The following UBE2E2 variants were observed in gnomAD, a reference collection of about 807,000 sequenced individuals.
UBE2E2 encodes ubiquitin conjugating enzyme E2 E2, also known as ubiquitin-conjugating enzyme E2 E2.
A neutral mutation model predicts 24.7 loss-of-function variants in UBE2E2; 6 were observed. That is an observed-to-expected ratio of 0.24 (90% CI 0.13 to 0.48). The LOEUF is 0.48. UBE2E2 is among the 20% of genes least tolerant of loss of function. The pLI is 0.99. For synonymous variants in UBE2E2, 104 were observed against 83.6 expected (o/e 1.24, Z -1.33); for missense variants, 169 against 245.0 (o/e 0.69, Z 2.07).
intron 3 of UBE2E2, among the ~76,000 whole-genome samples, chr3:23,471,344 C>T (rs2125434296): frequency 6.6e-6 from 1 of 152,242 alleles, no homozygotes; most frequent in Non-Finnish European, 1.5e-5. Context: ...ATAGCAACAA[C>T]CTCAAAGCTA....
intron 4 of UBE2E2, among the ~76,000 whole-genome samples, chr3:23,503,280 C>A (rs1289793801): frequency 6.6e-6 from 1 of 151,934 alleles, no homozygotes. Flanking sequence ...ACCTCCGCCC[C>A]CTGGATTCAA....
At chr3:23,203,516 C>T in intron 1 of UBE2E2, 52 bp downstream of exon 1, 1 of 961,654 alleles carries the variant, frequency 1.0e-6, no homozygotes, top group South Asian at 4.8e-5. Flanking sequence ...TCCTCCCTCT[C>T]GCTGACGTCC....
At chr3:23,331,754 A>G (rs757942556) in intron 3 of UBE2E2, among the ~76,000 whole-genome samples, 12 of 152,222 alleles carry the variant, frequency 7.9e-5, no homozygotes, top group Non-Finnish European at 1.5e-4. Context: ...GGATTGAGCC[A>G]TGATGAATCC....
At position 23,429,493 on chromosome 3, in the gene UBE2E2, T is replaced by G. The variant is rs1251370240; in HGVS notation, c.228-70115T>G. Among the ~76,000 whole-genome samples, 4 of 152,292 alleles carry G rather than the reference T, an allele frequency of 2.6e-5. No individual in the cohort carries two copies. In the East Asian group the frequency reaches 7.7e-4, roughly 29 times the overall value. On this transcript the variant is annotated intron_variant, in intron 3 of 5. Transcript: ENST00000396703. ...GGCTGGTTCAGCATTCAAAATTTAA[T>G]TAATATAATTCATCCCGTCAACAGG...
At chr3:23,462,500 T>G (rs891549859) in intron 3 of UBE2E2, among the ~76,000 whole-genome samples, 2 of 152,182 alleles carry the variant, frequency 1.3e-5, no homozygotes, top group African/African-American at 4.8e-5. Flanking sequence ...ATCTTTGCTA[T>G]TCACGACGAA....
chr3:23,391,365 A>C (rs1246992439), intron 3 of UBE2E2, among the ~76,000 whole-genome samples: 1 of 152,226 alleles, frequency 6.6e-6, no homozygotes, highest in Non-Finnish European at 1.5e-5. Context: ...TGCAAACCAT[A>C]GTTCAGGAAT....
At chr3:23,432,463 GATT>G (rs1445114219) in intron 3 of UBE2E2, among the ~76,000 whole-genome samples, 2 of 152,030 alleles carry the variant, frequency 1.3e-5, no homozygotes. Context: ...TCAGTGATAT[GATT>G]TTTAATATTT....
At chr3:23,385,805 C>T (rs1270362771) in intron 3 of UBE2E2, among the ~76,000 whole-genome samples, 1 of 152,196 alleles carries the variant, frequency 6.6e-6, no homozygotes, top group East Asian at 1.9e-4. Flanking sequence ...GAGCACATTA[C>T]ATCTGTATGC....
intron 5 of UBE2E2, among the ~76,000 whole-genome samples, chr3:23,572,075 G>C (rs1244384800): frequency 6.6e-6 from 1 of 152,220 alleles, no homozygotes; most frequent in Non-Finnish European, 1.5e-5. Context: ...TTCTGAAGCA[G>C]TAGCACATGT....
chr3:23,424,987 A>G (rs1697889715), intron 3 of UBE2E2, among the ~76,000 whole-genome samples: 1 of 152,190 alleles, frequency 6.6e-6, no homozygotes, highest in African/African-American at 2.4e-5. Flanking sequence ...TTGAGTTTGG[A>G]AAACTTAAAT....
intron 3 of UBE2E2, among the ~76,000 whole-genome samples, chr3:23,330,723 A>T (rs1267443555): frequency 2.0e-5 from 3 of 152,196 alleles, no homozygotes. Context: ...AATGCTCCAG[A>T]CTTTTCAGTT....
intron 3 of UBE2E2, among the ~76,000 whole-genome samples, chr3:23,274,415 C>T (rs943731661): frequency 1.3e-5 from 2 of 151,946 alleles, no homozygotes; most frequent in Non-Finnish European, 1.5e-5. Context: ...CGGCAGGCTG[C>T]AGTGCAGTGG....
At chr3:23,534,391 C>A in intron 5 of UBE2E2, 1 of 218,906 alleles carries the variant, frequency 4.6e-6, no homozygotes, top group Non-Finnish European at 7.7e-6. Context: ...TTAAAAATCA[C>A]TCCTAACTAA....
intron 3 of UBE2E2, among the ~76,000 whole-genome samples, chr3:23,268,157 TC>T (rs1698108839): frequency 6.7e-6 from 1 of 149,472 alleles, no homozygotes; most frequent in Non-Finnish European, 1.5e-5. Flanking sequence ...AGACAGGTTT[TC>T]CCTCTCTCAC....
At chr3:23,255,052 G>T (rs1697678261) in intron 3 of UBE2E2, among the ~76,000 whole-genome samples, 1 of 147,698 alleles carries the variant, frequency 6.8e-6, no homozygotes, top group African/African-American at 2.5e-5. Context: ...TTGAGAAATT[G>T]CTGAGATCAG....
At chr3:23,256,540 C>G (rs921755286) in intron 3 of UBE2E2, among the ~76,000 whole-genome samples, 1 of 151,962 alleles carries the variant, frequency 6.6e-6, no homozygotes, top group Non-Finnish European at 1.5e-5. Context: ...CATTAAAGTT[C>G]TTAGTTATAA....
chr3:23,291,965 TCTC>T (rs1698779472), intron 3 of UBE2E2, among the ~76,000 whole-genome samples: 2 of 148,912 alleles, frequency 1.3e-5, no homozygotes, highest in Non-Finnish European at 3.0e-5. Flanking sequence ...TTCATGCCAT[TCTC>T]CTGCCTCAGC....
intron 2 of UBE2E2, 74 bp from the exon 3 acceptor site, chr3:23,217,188 G>A: frequency 4.6e-6 from 6 of 1,313,520 alleles, no homozygotes; most frequent in Non-Finnish European, 6.5e-6. Flanking sequence ...TTATTAAAAT[G>A]TAACGTTTTA....
At chr3:23,247,603 C>G (rs1429673446) in intron 3 of UBE2E2, among the ~76,000 whole-genome samples, 2 of 152,166 alleles carry the variant, frequency 1.3e-5, no homozygotes, top group African/African-American at 4.8e-5. Context: ...ATCTGTCTGC[C>G]TTGGCCTCCC....
Sources: allele counts gnomAD v4.1 joint callset (sites outside exome capture counted in the v4.1 genomes callset), GRCh38; gene constraint gnomAD v4.1.1; transcripts MANE v1.5; gene names NCBI Gene and HGNC (gene_info 2026-07-23, HGNC 2026-07-21).